The following GOLGA8M variants were observed in gnomAD, a reference collection of about 807,000 sequenced individuals.
GOLGA8M encodes the protein golgin subfamily A member 8M.
GOLGA8M carries 34 observed loss-of-function variants against 87.7 expected under a neutral mutation model. That is an observed-to-expected ratio of 0.39 (90% CI 0.29 to 0.52). The LOEUF is 0.52. Ranked by LOEUF, GOLGA8M falls within the 20% of genes least tolerant of loss-of-function variation. The pLI is 0.80. For synonymous variants in GOLGA8M, 138 were observed against 250.2 expected (o/e 0.55, Z 4.23); for missense variants, 396 against 682.2 (o/e 0.58, Z 4.67).
At position 28,702,482 on chromosome 15, in the gene GOLGA8M, G is replaced by C; in HGVS notation, c.1550C>G (p.Ala517Gly). ...CACCCTACCTTCATCTCCTCCCTGA[G>C]CTCCAGCCTGATGGTGTCCTCCTCC... Reference protein sequence around the residue: ...ALGGGHHQAGAQGGDEGEAAG... With the variant: ...ALGGGHHQAGGQGGDEGEAAG... The change falls in exon 17 of 19, where the codon GCT becomes GGT. Residue 517 changes from alanine (A) to glycine (G), a missense_variant. Transcript: ENST00000563027. 1.3e-6 allele frequency: 2 copies of C among 1,573,200 alleles called. No individual in the cohort carries two copies. Among genetic ancestry groups the C allele is most frequent in the South Asian group, 2.2e-5 (2 of 90,064 alleles).
chr15:28,703,598 T>C lies in GOLGA8M; in HGVS notation c.1277-188A>G. 4.5e-5 allele frequency: 26 copies of C among 580,662 alleles called. No homozygotes were observed. The South Asian group carries it at 5.3e-4, about 12-fold the overall frequency. 36.0% of individuals were successfully genotyped at this position (580,662 alleles called of 1,614,324 possible). On this transcript the variant is annotated intron_variant, in intron 14 of 18. Coordinates refer to ENST00000563027, the MANE Select transcript of GOLGA8M (RefSeq NM_001282468.3). ...TTCCGCCCAGGCACACTCCCACTAC[T>C]GGTCGATGTGGGAGTTCTGACCTGC...
intron 13 of GOLGA8M, 115 bp from the exon 14 acceptor site, chr15:28,704,032 C>A (rs1448940684): frequency 3.9e-6 from 6 of 1,546,982 alleles, no homozygotes; most frequent in African/African-American, 1.4e-5. Context: ...CAGGCCATAT[C>A]GGCCACCGCT....
At position 28,701,611 on chromosome 15, in the gene GOLGA8M, C is replaced by T. The variant is rs537879791; in HGVS notation, c.*343G>A. Among the ~76,000 whole-genome samples the T allele has an allele frequency of 1.3e-5, 2 of 151,854 alleles. No individual in the cohort carries two copies. Among genetic ancestry groups the T allele is most frequent in the East Asian group, 1.9e-4 (1 of 5,150 alleles). On this transcript the variant is annotated 3_prime_UTR_variant, in exon 19 of 19. Coordinates refer to ENST00000563027, the MANE Select transcript of GOLGA8M (RefSeq NM_001282468.3). ...AATAACATTAAAAAAGCATGGCAGCCTATTCCAAACCAGCGAGAACAGTTT... is the reference window on the plus strand; with the variant it reads ...AATAACATTAAAAAAGCATGGCAGCTTATTCCAAACCAGCGAGAACAGTTT...
Position 28,705,753 on chromosome 15 carries a change from C to G in GOLGA8M, c.875-14G>C, listed in dbSNP as rs539218012. On this transcript the variant is annotated splice_polypyrimidine_tract_variant and intron_variant, in intron 11 of 18. Coordinates refer to ENST00000563027, the MANE Select transcript of GOLGA8M (RefSeq NM_001282468.3). ...GCAAGGGTTCAGCTGAGAAAGGAAG[C>G]AGACAATAAGGGCCTCTGGATTCTC... 6.4e-6 allele frequency: 10 copies of G among 1,560,362 alleles called. 1 individual carries two copies. The South Asian group carries it at 1.0e-4, about 16-fold the overall frequency.
intron 16 of GOLGA8M, 33 bp downstream of exon 16, chr15:28,702,612 G>C: frequency 6.2e-7 from 1 of 1,610,282 alleles, no homozygotes; most frequent in Non-Finnish European, 8.5e-7. Context: ...CGGTCCTGCA[G>C]CTCCCCCTGC....
intron 2 of GOLGA8M, among the ~76,000 whole-genome samples, chr15:28,709,838 G>C (rs1396861935): frequency 6.7e-6 from 1 of 150,362 alleles, no homozygotes; most frequent in Non-Finnish European, 1.5e-5. Flanking sequence ...TGAGACTGGG[G>C]ATGAGGAAAA....
At chr15:28,712,227 G>A (rs2080217019) in intron 1 of GOLGA8M, 49 bp downstream of exon 1, 1 of 1,447,454 alleles carries the variant, frequency 6.9e-7, no homozygotes, top group Non-Finnish European at 9.3e-7. Flanking sequence ...CTTGTCATCA[G>A]AGGGGATCTG....
At chr15:28,704,179 G>T (rs1208354256) in intron 13 of GOLGA8M, among the ~76,000 whole-genome samples, 1 of 147,528 alleles carries the variant, frequency 6.8e-6, no homozygotes, top group Non-Finnish European at 1.5e-5. Context: ...ACGGACTGCT[G>T]CAGGTGACCC....
rs1399811707 is a variant in GOLGA8M, at chr15:28,706,690, G to A, written c.601C>T (p.Pro201Ser). The A allele has an allele frequency of 6.7e-7, 1 of 1,500,240 alleles. No homozygotes were observed. Among genetic ancestry groups the A allele is most frequent in the East Asian group, 2.4e-5 (1 of 42,296 alleles). The allele number at this position is 1,500,240 out of a possible 1,614,324, so 92.9% of individuals were successfully genotyped here. ...QKKKANQLSSPSKAGTEWKLE... is the reference protein window; with the variant it reads ...QKKKANQLSSSSKAGTEWKLE... ...TTCCACTCCGTACCTGCTTTACTGGGGCTGGACAACTGGATGGCAAAGAGT... is the reference window on the plus strand; with the variant it reads ...TTCCACTCCGTACCTGCTTTACTGGAGCTGGACAACTGGATGGCAAAGAGT... The change falls in exon 9 of 19, where the codon CCC becomes TCC. Residue 201 changes from proline (P) to serine (S), a missense_variant. By Grantham distance (74) the Pro-to-Ser change is moderately conservative (BLOSUM62 -1). This residue lies in a region of GOLGA8M where 80 missense variants were observed against 119.9 expected (regional missense o/e 0.67). Coordinates refer to ENST00000563027, the MANE Select transcript of GOLGA8M (RefSeq NM_001282468.3).
rs535947660 is a variant in GOLGA8M at position 28,701,162 on chromosome 15, A to G, written c.*792T>C. Among the ~76,000 whole-genome samples the G allele has an allele frequency of 3.1e-4, 47 of 152,170 alleles. No individual in the cohort carries two copies. Among genetic ancestry groups the G allele is most frequent in the Non-Finnish European group, 5.9e-4 (40 of 68,024 alleles). ...CCTTTTTAGGTCATCGAAAAAGAGT[A>G]CAACTGCTGCAGCTCATGATGCAGT... is the stretch of plus-strand genomic sequence containing the variant. On this transcript the variant is annotated 3_prime_UTR_variant, in exon 19 of 19. Transcript: ENST00000563027.
At chr15:28,710,350 T>TAC (rs1182600926) in intron 2 of GOLGA8M, 137 bp downstream of exon 2, 2 of 746,700 alleles carry the variant, frequency 2.7e-6, no homozygotes, top group African/African-American at 3.5e-5. Context: ...GTGCTAGGAT[T>TAC]ACAGGCGTGG....
chr15:28,711,831 C>T (rs2080204469), intron 1 of GOLGA8M: 4 of 984,108 alleles, frequency 4.1e-6, no homozygotes, highest in Non-Finnish European at 4.8e-6. Flanking sequence ...CTTGGAGACG[C>T]CAGCACAAAG....
intron 18 of GOLGA8M, 33 bp downstream of exon 18, chr15:28,702,181 T>A (rs1282649789): frequency 3.1e-5 from 49 of 1,587,336 alleles, no homozygotes; most frequent in Non-Finnish European, 3.4e-5. Context: ...CCCCTCTTCC[T>A]GCCTGCCCAC....
rs1285892830 is a variant in GOLGA8M, at chr15:28,707,819, A to G, written c.520T>C (p.Leu174=). The change falls in exon 8 of 19, where the codon TTG becomes CTG. Residue 174 remains leucine (L), a synonymous_variant. Coordinates refer to ENST00000563027, the MANE Select transcript of GOLGA8M (RefSeq NM_001282468.3). ...KDLAVRLQHS[L]QRKGELESVL... is the part of the protein sequence containing the mutation. ...CTCTCTAACTCTCCTTTACGCTGCA[A>G]TGAATGTTGCAGGCGGACAGCCAGA... 1.3e-6 allele frequency: 2 copies of G among 1,586,876 alleles called. No individual in the cohort carries two copies. The highest frequency in any genetic ancestry group is 1.7e-6 in the Non-Finnish European group (2 of 1,178,214).
Position 28,702,753 on chromosome 15 carries a change from C to T in GOLGA8M, c.1369-8G>A. Reference sequence around the variant, plus strand: ...GTGGTCCATAAAGCTGCTCTGGAGCCAAAATATTGCAGTCACATCTCGGCA... The same window carrying T: ...GTGGTCCATAAAGCTGCTCTGGAGCTAAAATATTGCAGTCACATCTCGGCA... On this transcript the variant is annotated splice_polypyrimidine_tract_variant and splice_region_variant and intron_variant, in intron 15 of 18. Transcript: ENST00000563027. 6.3e-7 allele frequency: 1 copy of T among 1,599,056 alleles called. No individual in the cohort carries two copies. The highest frequency in any genetic ancestry group is 1.1e-5 in the South Asian group (1 of 90,932).
In GOLGA8M at chr15:28,706,638, GC is replaced by G; in HGVS notation, c.652del (p.Ala218HisfsTer3). 1 of 1,522,310 alleles carries G rather than the reference GC, an allele frequency of 6.6e-7. No homozygotes were observed. Among genetic ancestry groups the G allele is most frequent in the Non-Finnish European group, 9.0e-7 (1 of 1,112,448 alleles). 94.3% of individuals were successfully genotyped at this position (1,522,310 alleles called of 1,614,324 possible). On this transcript the variant is annotated frameshift_variant, in exon 9 of 19. Coordinates refer to ENST00000563027, the MANE Select transcript of GOLGA8M (RefSeq NM_001282468.3). LOFTEE classifies it high-confidence loss of function. ...WKLEQSMREE[A>X]LLKVQLTQLK... The stretch of plus-strand genomic sequence containing the variant: ...CTGTGTCAGCTGCACTTTCAGTAGT[GC>G]CTCCTCCCGCATGGACTGCTCTAAC...
chr15:28,704,727 A>G (rs147821365), intron 13 of GOLGA8M, among the ~76,000 whole-genome samples: 4,080 of 134,772 alleles, frequency 0.03, 183 homozygotes, highest in Admixed American at 0.051. Context: ...ACAGGCATGC[A>G]CCACAATGTC....
chr15:28,701,946 G>A lies in GOLGA8M; in HGVS notation c.*8C>T. 1 of 1,598,988 alleles carries A rather than the reference G, an allele frequency of 6.3e-7. No individual in the cohort carries two copies. The highest frequency in any genetic ancestry group is 8.5e-7 in the Non-Finnish European group (1 of 1,179,708). ...ATTTCTTGAGCAGCTCTTTGAGGAT[G>A]GTGATGTTTATCTCCTTCTTCTTGG... is the stretch of plus-strand genomic sequence containing the variant. On this transcript the variant is annotated 3_prime_UTR_variant, in exon 19 of 19. Transcript: ENST00000563027.
chr15:28,706,754 A>T (rs2080043884), intron 8 of GOLGA8M, 55 bp from the exon 9 acceptor site: 3 of 1,458,092 alleles, frequency 2.1e-6, no homozygotes, highest in Non-Finnish European at 2.8e-6. Flanking sequence ...ATTTCCACAC[A>T]GTGCCCCTTA....
Sources: allele counts gnomAD v4.1 joint callset (sites outside exome capture counted in the v4.1 genomes callset), GRCh38; gene constraint gnomAD v4.1.1; regional missense constraint gnomAD v4.1.1; transcripts MANE v1.5; gene names NCBI Gene and HGNC (gene_info 2026-07-23, HGNC 2026-07-21).